The following KDM4B variants were observed in gnomAD, a reference collection of about 807,000 sequenced individuals.
The protein encoded by KDM4B is lysine demethylase 4B, also known as lysine-specific demethylase 4B.
Under a neutral mutation model 125.2 loss-of-function variants are expected in KDM4B, and 32 were observed. The observed-to-expected ratio is 0.26, with a 90% CI of 0.19 to 0.34. The LOEUF is 0.34. Ranked by LOEUF, KDM4B falls within the 10% of genes least tolerant of loss-of-function variation. The pLI, the probability that KDM4B is intolerant of heterozygous loss-of-function variation, is 1.00. For missense variants in KDM4B, 1,190 were observed against 1,577.7 expected (o/e 0.75, Z 4.16); for synonymous variants, 721 against 677.9 (o/e 1.06, Z -0.99).
chr19:5,110,563 T>G, intron 9 of KDM4B, 59 bp from the exon 10 acceptor site: 1 of 1,559,354 alleles, frequency 6.4e-7, no homozygotes, highest in South Asian at 1.1e-5. Context: ...TGGGGTGGGG[T>G]GTGTGGAGCC....
In KDM4B at chr19:5,131,104, C is replaced by G; in HGVS notation, c.1344C>G (p.Thr448=). ...EEDGRGKLRP[T]KAKSERKKKS... ...ACGGGAGGGGCAAGCTGCGGCCAACCAAGGCCAAGAGCGAGCGGAAGAAGA... is the reference window on the plus strand; with the variant it reads ...ACGGGAGGGGCAAGCTGCGGCCAACGAAGGCCAAGAGCGAGCGGAAGAAGA... Residue 448 remains threonine, a synonymous_variant, in exon 12 of 23, where the codon ACC becomes ACG. Transcript: ENST00000159111. 1 of 1,516,118 alleles carries G rather than the reference C, an allele frequency of 6.6e-7. No individual in the cohort carries two copies. The highest frequency in any genetic ancestry group is 8.8e-7 in the Non-Finnish European group (1 of 1,131,914). 93.9% of individuals were successfully genotyped at this position (1,516,118 alleles called of 1,614,324 possible). A position where few individuals can be genotyped will look rare whatever the true frequency, so the allele number is the denominator to read the frequency against.
chr19:5,137,388 G>A (rs373878700), intron 16 of KDM4B, 50 bp downstream of exon 16: 33 of 1,503,806 alleles, frequency 2.2e-5, no homozygotes, highest in African/African-American at 6.9e-5. Flanking sequence ...CCTGGGCCCC[G>A]GCCCCACTCC....
chr19:5,123,884 A>G (rs958475377), intron 11 of KDM4B, among the ~76,000 whole-genome samples: 1 of 151,598 alleles, frequency 6.6e-6, no homozygotes. Flanking sequence ...GGATGGGCGC[A>G]GTTCAGGTTC....
chr19:5,073,108 C>T (rs1028458730), intron 7 of KDM4B, among the ~76,000 whole-genome samples: 11 of 152,230 alleles, frequency 7.2e-5, no homozygotes, highest in African/African-American at 1.2e-4. Context: ...ATCCTTAACT[C>T]GATCCCATCT....
intron 14 of KDM4B, among the ~76,000 whole-genome samples, chr19:5,134,366 G>A (rs990391896): frequency 1.3e-5 from 2 of 152,192 alleles, no homozygotes; most frequent in African/African-American, 4.8e-5. Context: ...GCTGAGATGG[G>A]CCGGGTGGTG....
intron 21 of KDM4B, 141 bp downstream of exon 21, chr19:5,145,043 G>C (rs2039817905): frequency 2.8e-6 from 3 of 1,078,162 alleles, no homozygotes; most frequent in Middle Eastern, 2.3e-4. Flanking sequence ...GAGGCCCGCA[G>C]GACCCAGCTG....
At chr19:4,986,172 C>T (rs117500513) in intron 1 of KDM4B, among the ~76,000 whole-genome samples, 4,971 of 152,264 alleles carry the variant, frequency 0.033, 114 homozygotes, top group Non-Finnish European at 0.051. Flanking sequence ...TGATGTGCCC[C>T]GTGTGCCATG....
chr19:5,105,858 A>G (rs560004981), intron 9 of KDM4B, among the ~76,000 whole-genome samples: 1 of 152,366 alleles, frequency 6.6e-6, no homozygotes, highest in Non-Finnish European at 1.5e-5. Flanking sequence ...TGATACATAA[A>G]TGAATGGGCC....
At position 5,115,565 on chromosome 19, in the gene KDM4B, C is replaced by T. The variant is rs1020490508; in HGVS notation, c.1116-4088C>T. ...GCCCAGCTCACACACGGCTTGGCACCGTGCACAGAGGGATCAACGGCCAGG... is the reference window on the plus strand; with the variant it reads ...GCCCAGCTCACACACGGCTTGGCACTGTGCACAGAGGGATCAACGGCCAGG... On this transcript the variant is annotated intron_variant, in intron 10 of 22. Transcript: ENST00000159111. The surrounding 1 kb of genome is among the most constrained non-coding windows in gnomAD (Gnocchi z 4.2). 1.6e-4 allele frequency among the ~76,000 whole-genome samples: 24 copies of T among 152,320 alleles called. No individual in the cohort carries two copies. In the South Asian group the frequency reaches 2.3e-3, roughly 14 times the overall value.
intron 2 of KDM4B, among the ~76,000 whole-genome samples, chr19:5,021,141 CAAAA>C (rs759355053): frequency 2.3e-5 from 1 of 44,094 alleles, no homozygotes. Flanking sequence ...GAAACTGTCT[CAAAA>C]AAAAAAAAAA....
At chr19:5,111,043 G>A (rs2039134020) in intron 10 of KDM4B, among the ~76,000 whole-genome samples, 1 of 152,178 alleles carries the variant, frequency 6.6e-6, no homozygotes, top group African/African-American at 2.4e-5. Flanking sequence ...TGGGGTGGGT[G>A]GGCTCTGCTC....
chr19:5,051,342 A>G (rs1599506804), intron 6 of KDM4B, among the ~76,000 whole-genome samples: 2 of 152,316 alleles, frequency 1.3e-5, no homozygotes, highest in African/African-American at 2.4e-5. Flanking sequence ...CTGTGCACCC[A>G]TGTGCCGGGC....
chr19:4,990,535 T>C (rs197142), intron 1 of KDM4B, among the ~76,000 whole-genome samples: 57,478 of 151,952 alleles, frequency 0.38, 11,740 homozygotes, highest in East Asian at 0.72. Flanking sequence ...CCTGGGGCCG[T>C]GGAGAGCTCA....
intron 17 of KDM4B, 119 bp from the exon 18 acceptor site, chr19:5,137,843 C>A: frequency 1.9e-6 from 2 of 1,059,932 alleles, no homozygotes; most frequent in Non-Finnish European, 2.7e-6. Flanking sequence ...ACGCCTGCAC[C>A]GACCTTCCTG....
intron 1 of KDM4B, among the ~76,000 whole-genome samples, chr19:4,983,759 T>G (rs1358403200): frequency 6.6e-6 from 1 of 152,148 alleles, no homozygotes; most frequent in African/African-American, 2.4e-5. Context: ...AATAACATCC[T>G]ATAGCCACAG....
intron 1 of KDM4B, among the ~76,000 whole-genome samples, chr19:4,995,596 A>G (rs1286189355): frequency 6.6e-6 from 1 of 152,002 alleles, no homozygotes; most frequent in Non-Finnish European, 1.5e-5. Context: ...GGCATTTTTA[A>G]TTTGAATTGG....
At chr19:5,090,268 C>G (rs1354237457) in intron 9 of KDM4B, among the ~76,000 whole-genome samples, 1 of 151,956 alleles carries the variant, frequency 6.6e-6, no homozygotes, top group Non-Finnish European at 1.5e-5. Context: ...CTGGCCTCGC[C>G]AGGCTGAGGC....
chr19:5,066,352 GTCCT>G lies in KDM4B; in HGVS notation c.627-4651_627-4648del, dbSNP rs1316114065. On this transcript the variant is annotated intron_variant, in intron 6 of 22. Transcript: ENST00000159111. ...CCACCCACTGCCCCTGTGCCGGGGT[GTCCT>G]TCCTTCTGGATCTCATGTCCTTGTT... 4.6e-5 allele frequency among the ~76,000 whole-genome samples: 7 copies of G among 152,126 alleles called. No homozygotes were observed. In the East Asian group the frequency reaches 7.7e-4, roughly 17 times the overall value.
intron 17 of KDM4B, 75 bp from the exon 18 acceptor site, chr19:5,137,887 C>T (rs568269747): frequency 1.5e-6 from 2 of 1,322,458 alleles, no homozygotes; most frequent in African/African-American, 2.9e-5. Flanking sequence ...CCGACAGCCA[C>T]ATCACGCCCA....
Sources: gnomAD v4.1 joint callset for allele counts (sites outside exome capture counted in the v4.1 genomes callset) on GRCh38, gnomAD v4.1.1 for gene constraint, Gnocchi (gnomAD v3.1) non-coding constraint, MANE v1.5 for transcripts, NCBI Gene and HGNC (gene_info 2026-07-23, HGNC 2026-07-21) for gene names.